The following KLHL1 variants were observed in gnomAD, a reference collection of about 807,000 sequenced individuals.
KLHL1 encodes kelch-like protein 1.
Under a neutral mutation model 77.7 loss-of-function variants are expected in KLHL1, and 47 were observed. That is an observed-to-expected ratio of 0.60 (90% CI 0.48 to 0.77). KLHL1 has a LOEUF of 0.77. Among genes scored for constraint, KLHL1 ranks in the 30% least tolerant of loss-of-function variants. KLHL1 has a pLI of 0.00. For missense variants in KLHL1, 925 were observed against 910.8 expected, an observed-to-expected ratio of 1.02 and a Z score of -0.20; for synonymous variants, 360 against 325.2, an observed-to-expected ratio of 1.11 and a Z score of -1.15.
At chr13:69,747,773 T>A (rs1016936641) in intron 7 of KLHL1, among the ~76,000 whole-genome samples, 2 of 151,956 alleles carry the variant, frequency 1.3e-5, no homozygotes, top group African/African-American at 4.8e-5. Context: ...AATTGAGAAG[T>A]CTTATATATT....
intron 1 of KLHL1, among the ~76,000 whole-genome samples, chr13:70,036,094 G>A (rs982683487): frequency 2.6e-5 from 4 of 151,900 alleles, no homozygotes; most frequent in Non-Finnish European, 5.9e-5. Context: ...AGTAGTTATA[G>A]TGACCATTCA....
At chr13:69,728,289 A>G (rs1425287194) in intron 8 of KLHL1, among the ~76,000 whole-genome samples, 1 of 152,150 alleles carries the variant, frequency 6.6e-6, no homozygotes, top group East Asian at 1.9e-4. Flanking sequence ...GGCTTAAGGC[A>G]CTGTGCTAGG....
chr13:69,962,904 C>G (rs925671923), intron 2 of KLHL1, among the ~76,000 whole-genome samples: 2 of 152,064 alleles, frequency 1.3e-5, no homozygotes, highest in African/African-American at 2.4e-5. Flanking sequence ...CATTTACATT[C>G]GGCTATTTTG....
intron 7 of KLHL1, among the ~76,000 whole-genome samples, chr13:69,748,243 C>T (rs989823079): frequency 6.6e-6 from 1 of 151,986 alleles, no homozygotes; most frequent in South Asian, 2.1e-4. Context: ...TCCACTGTTG[C>T]CGCTTGTATC....
intron 4 of KLHL1, among the ~76,000 whole-genome samples, chr13:69,939,378 T>TATATATACACACACAC (rs1200160699): frequency 2.8e-5 from 2 of 70,818 alleles, no homozygotes; most frequent in African/African-American, 6.4e-5. Context: ...TATATATATA[T>TATATATACACACACAC]ACACACACAC....
intron 7 of KLHL1, among the ~76,000 whole-genome samples, chr13:69,758,096 A>G (rs1283976629): frequency 2.0e-5 from 3 of 152,122 alleles, no homozygotes; most frequent in African/African-American, 7.2e-5. Context: ...CAAACCATCA[A>G]ACGATCAAAA....
At chr13:69,921,425 T>C (rs953622810) in intron 4 of KLHL1, among the ~76,000 whole-genome samples, 1 of 152,186 alleles carries the variant, frequency 6.6e-6, no homozygotes, top group Non-Finnish European at 1.5e-5. Context: ...TTGTCAGATA[T>C]GGAAGGAGAG....
At chr13:69,860,450 T>C (rs1173776319) in intron 5 of KLHL1, among the ~76,000 whole-genome samples, 1 of 152,026 alleles carries the variant, frequency 6.6e-6, no homozygotes, top group Non-Finnish European at 1.5e-5. Flanking sequence ...GCATGATCTA[T>C]GAATAATATA....
At chr13:69,898,460 C>A (rs1216344953) in intron 4 of KLHL1, among the ~76,000 whole-genome samples, 1 of 152,150 alleles carries the variant, frequency 6.6e-6, no homozygotes, top group Non-Finnish European at 1.5e-5. Flanking sequence ...ACACTTGCAA[C>A]ACCTGGCACT....
chr13:70,048,807 G>A (rs1369911139), intron 1 of KLHL1, among the ~76,000 whole-genome samples: 3 of 152,228 alleles, frequency 2.0e-5, no homozygotes, highest in Non-Finnish European at 2.9e-5. Context: ...CTTGCTGTGT[G>A]GCCTGGCTCC....
intron 4 of KLHL1, among the ~76,000 whole-genome samples, chr13:69,902,095 C>A (rs1482848287): frequency 1.3e-5 from 2 of 152,132 alleles, no homozygotes; most frequent in Non-Finnish European, 2.9e-5. Flanking sequence ...CCACCACGCC[C>A]AGCCCACAAT....
At chr13:69,860,616 T>C (rs906087326) in intron 5 of KLHL1, among the ~76,000 whole-genome samples, 1 of 151,892 alleles carries the variant, frequency 6.6e-6, no homozygotes, top group African/African-American at 2.4e-5. Context: ...AATTCCTTTA[T>C]GTATAATATA....
chr13:69,834,975 A>C (rs1878928286), intron 6 of KLHL1, among the ~76,000 whole-genome samples: 1 of 152,114 alleles, frequency 6.6e-6, no homozygotes, highest in Admixed American at 6.6e-5. Flanking sequence ...TTAAGGTGGG[A>C]TTATTTGCAT....
intron 1 of KLHL1, among the ~76,000 whole-genome samples, chr13:69,984,324 T>G (rs1237059047): frequency 1.3e-5 from 2 of 152,122 alleles, no homozygotes; most frequent in Non-Finnish European, 2.9e-5. Flanking sequence ...ACTGGAATCT[T>G]GCACAGGTGA....
chr13:70,084,447 G>A (rs1887470103), intron 1 of KLHL1, among the ~76,000 whole-genome samples: 1 of 123,668 alleles, frequency 8.1e-6, no homozygotes, highest in Admixed American at 8.6e-5. Context: ...ATATTTTCTA[G>A]TCTATTTCTT....
chr13:69,843,946 T>C (rs1443159471), intron 5 of KLHL1, among the ~76,000 whole-genome samples: 1 of 151,838 alleles, frequency 6.6e-6, no homozygotes, highest in South Asian at 2.1e-4. Flanking sequence ...TTTAAGGCAA[T>C]AGACTAATGT....
intron 10 of KLHL1, among the ~76,000 whole-genome samples, chr13:69,703,545 T>C (rs769304491): frequency 6.6e-6 from 1 of 151,614 alleles, no homozygotes; most frequent in African/African-American, 2.4e-5. Flanking sequence ...TAGAGAGTTT[T>C]TTAAGTCTGC....
At position 69,963,164 on chromosome 13, in the gene KLHL1, G is replaced by A. The variant is rs182211623; in HGVS notation, c.681-1720C>T. 2.2e-3 allele frequency among the ~76,000 whole-genome samples: 328 copies of A among 152,216 alleles called. 5 individuals are homozygous for A. Among genetic ancestry groups the A allele is most frequent in the African/African-American group, 6.8e-3 (282 of 41,556 alleles). ...GCAGCCTTGAACCCCAGGGCTCAAA[G>A]TGATCTGCCTTCCTCAGCCTCCTGT... On this transcript the variant is annotated intron_variant, in intron 2 of 10. Coordinates refer to ENST00000377844, the MANE Select transcript of KLHL1 (RefSeq NM_020866.3).
In KLHL1 at chr13:69,972,868, G is replaced by A. The variant is rs531949680; in HGVS notation, c.680+2752C>T. On this transcript the variant is annotated intron_variant, in intron 2 of 10. Coordinates refer to ENST00000377844, the MANE Select transcript of KLHL1 (RefSeq NM_020866.3). ...AATTCAAATATCCAATTTTAATATT[G>A]ATCTGTCAACCTAATTTTCCTCATC... 4.0e-5 allele frequency among the ~76,000 whole-genome samples: 6 copies of A among 151,864 alleles called. No individual in the cohort carries two copies. In the South Asian group the frequency reaches 8.3e-4, roughly 21 times the overall value.
Sources: gnomAD v4.1 joint callset for allele counts (sites outside exome capture counted in the v4.1 genomes callset) on GRCh38, gnomAD v4.1.1 for gene constraint, MANE v1.5 for transcripts, NCBI Gene and HGNC (gene_info 2026-07-23, HGNC 2026-07-21) for gene names.